Variants in ANKRD30B observed in about 807,000 individuals in gnomAD.
ANKRD30B encodes ankyrin repeat domain-containing protein 30B.
Under a neutral mutation model 202.2 loss-of-function variants are expected in ANKRD30B, and 144 were observed. The observed-to-expected ratio is 0.71, with a 90% CI of 0.62 to 0.82. The LOEUF is 0.82. Ranked by LOEUF, ANKRD30B falls within the 40% of genes least tolerant of loss-of-function variation. The pLI, the probability that ANKRD30B is intolerant of heterozygous loss-of-function variation, is 0.00. For synonymous variants in ANKRD30B, 508 were observed against 561.3 expected (o/e 0.91, Z 1.34); for missense variants, 1,487 against 1,669.1 (o/e 0.89, Z 1.90).
the ANKRD30B span, among the ~76,000 whole-genome samples, chr18:14,894,264 A>G: frequency 1.8e-4 from 27 of 152,340 alleles, no homozygotes; most frequent in East Asian, 4.6e-3. Flanking sequence ...TTTTTAAAAA[A>G]TTATCTGAAA....
chr18:14,865,105 C>A, the ANKRD30B span, among the ~76,000 whole-genome samples: 4 of 151,868 alleles, frequency 2.6e-5, no homozygotes, highest in Admixed American at 2.6e-4. Context: ...CTCCCACTTG[C>A]CACCCTCTTC....
At chr18:14,842,048 A>G (rs1971440339) in intron 37 of ANKRD30B, among the ~76,000 whole-genome samples, 1 of 152,160 alleles carries the variant, frequency 6.6e-6, no homozygotes, top group Non-Finnish European at 1.5e-5. Flanking sequence ...AAAGCCAACT[A>G]ATTTTTAGAA....
intron 34 of ANKRD30B, among the ~76,000 whole-genome samples, chr18:14,836,303 T>C (rs761124668): frequency 6.6e-6 from 1 of 152,136 alleles, no homozygotes. Flanking sequence ...TGTAATCTAC[T>C]CTGTCATCTG....
At chr18:14,938,804 T>C in the ANKRD30B span, among the ~76,000 whole-genome samples, 1 of 152,216 alleles carries the variant, frequency 6.6e-6, no homozygotes, top group East Asian at 1.9e-4. Context: ...CGTGTGGGAC[T>C]GGACAAAGCA....
rs1317080102 is a variant in ANKRD30B, at chr18:14,799,286, T to A, written c.2122T>A (p.Phe708Ile). 1 of 1,532,052 alleles carries A rather than the reference T, an allele frequency of 6.5e-7. No homozygotes were observed. Among genetic ancestry groups the A allele is most frequent in the Non-Finnish European group, 8.7e-7 (1 of 1,142,956 alleles). 94.9% of individuals were successfully genotyped at this position (1,532,052 alleles called of 1,614,324 possible). Reference sequence around the variant, plus strand: ...TTTAGAATTGAAGGACAGAGAAACATTCAAAGCAGGTAAATTTTGCAATTT... The same window carrying A: ...TTTAGAATTGAAGGACAGAGAAACAATCAAAGCAGGTAAATTTTGCAATTT... ...KALELKDRET[F>I]KAAQMFPSES... is the part of the protein sequence containing the mutation. The change falls in exon 22 of 44, where the codon TTC becomes ATC. Residue 708 changes from phenylalanine to isoleucine, a missense_variant. By Grantham distance (21) the Phe-to-Ile change is conservative. Around this residue, in one of 6 missense-constraint regions of ANKRD30B, gnomAD observed 889 missense variants for 841.4 expected, o/e 1.06. Coordinates refer to ENST00000690538, the MANE Select transcript of ANKRD30B (RefSeq NM_001367607.2).
At chr18:14,894,891 T>A in the ANKRD30B span, among the ~76,000 whole-genome samples, 2 of 139,460 alleles carry the variant, frequency 1.4e-5, no homozygotes, top group African/African-American at 2.7e-5. Context: ...AAAAACCTAG[T>A]TAAAAAGTGG....
At chr18:14,920,781 G>A in the ANKRD30B span, among the ~76,000 whole-genome samples, 19 of 152,314 alleles carry the variant, frequency 1.2e-4, no homozygotes, top group African/African-American at 3.8e-4. Context: ...GAACTCCTTC[G>A]TCAGTGGGGC....
intron 28 of ANKRD30B, among the ~76,000 whole-genome samples, chr18:14,810,601 G>GT: frequency 6.6e-6 from 1 of 151,058 alleles, no homozygotes. Context: ...AAGAAAATCA[G>GT]TTTCTTGTTT....
intron 30 of ANKRD30B, among the ~76,000 whole-genome samples, chr18:14,815,783 T>G (rs1970064566): frequency 6.6e-6 from 1 of 152,174 alleles, no homozygotes; most frequent in Non-Finnish European, 1.5e-5. Context: ...AACAAATATG[T>G]CAATATTGAA....
At chr18:14,764,126 G>A (rs1348465315) in intron 7 of ANKRD30B, 36 bp downstream of exon 7, 8 of 1,465,766 alleles carry the variant, frequency 5.5e-6, no homozygotes, top group South Asian at 1.5e-5. Context: ...GGGTTTATTG[G>A]CACTTTGGGT....
At chr18:14,891,182 C>G in the ANKRD30B span, among the ~76,000 whole-genome samples, 1 of 152,136 alleles carries the variant, frequency 6.6e-6, no homozygotes, top group Non-Finnish European at 1.5e-5. Flanking sequence ...CCTTCAGAAG[C>G]TATTTTCTAA....
intron 15 of ANKRD30B, among the ~76,000 whole-genome samples, chr18:14,789,866 A>C (rs962009856): frequency 1.3e-5 from 2 of 152,080 alleles, no homozygotes; most frequent in Non-Finnish European, 2.9e-5. Flanking sequence ...ATTGACTTGG[A>C]GATGCAGGCT....
chr18:14,750,153 T>C (rs1913198977), intron 1 of ANKRD30B, among the ~76,000 whole-genome samples: 1 of 152,114 alleles, frequency 6.6e-6, no homozygotes, highest in Non-Finnish European at 1.5e-5. Flanking sequence ...AGCATACTTG[T>C]AAAATATTTA....
rs555719021 is a variant in ANKRD30B, at chr18:14,786,774, G to T, written c.1673-265G>T. ...TGTGTTTTACAGGAGAAGAGGATAT[G>T]ATTGCTTTGTGAAGAAATAACTCAT... On this transcript the variant is annotated intron_variant, in intron 14 of 43. Transcript: ENST00000690538. Among the ~76,000 whole-genome samples, 16 of 152,260 alleles carry T rather than the reference G, an allele frequency of 1.1e-4. No individual in the cohort carries two copies. In the South Asian group the frequency reaches 2.7e-3, roughly 26 times the overall value.
Position 14,763,914 on chromosome 18 carries a change from T to A in ANKRD30B, c.1049T>A (p.Phe350Tyr), listed in dbSNP as rs774092312. The stretch of plus-strand genomic sequence containing the variant: ...CCTACAAAAGAAACATCTGAGAAAT[T>A]TTCATGGCCAGCAAAAGAAAGATCT... ...LRPTKETSEK[F>Y]SWPAKERSRK... is the part of the protein sequence containing the mutation. Residue 350 changes from phenylalanine to tyrosine, a missense_variant, in exon 7 of 44, where the codon TTT becomes TAT. Physicochemically the swap from Phe to Tyr is conservative, Grantham distance 22 (BLOSUM62 3). This residue lies in a region of ANKRD30B where 889 missense variants were observed against 841.4 expected (regional missense o/e 1.06). Coordinates refer to ENST00000690538, the MANE Select transcript of ANKRD30B (RefSeq NM_001367607.2). 3.6e-4 allele frequency: 580 copies of A among 1,611,372 alleles called. 1 individual carries two copies. Among genetic ancestry groups the A allele is most frequent in the Non-Finnish European group, 4.8e-4 (567 of 1,178,694 alleles).
chr18:14,919,214 A>C, the ANKRD30B span, among the ~76,000 whole-genome samples: 1 of 152,224 alleles, frequency 6.6e-6, no homozygotes, highest in Non-Finnish European at 1.5e-5. Context: ...AGCACCTCAG[A>C]TATAAGGAGG....
chr18:14,788,445 C>A (rs1968232903), intron 15 of ANKRD30B, among the ~76,000 whole-genome samples: 1 of 151,938 alleles, frequency 6.6e-6, no homozygotes, highest in South Asian at 2.1e-4. Context: ...GCACAATGTG[C>A]AGTTTAGTTA....
chr18:14,807,076 C>G lies in ANKRD30B; in HGVS notation c.2285-1475C>G, dbSNP rs112102159. ...TGCATATTTAGCCTTAAAATGCTTG[C>G]ACATAAATTTTGTGTGTTTTAGAGA... On this transcript the variant is annotated intron_variant, in intron 24 of 43. Transcript: ENST00000690538. Among the ~76,000 whole-genome samples the G allele has an allele frequency of 4.8e-4, 72 of 151,080 alleles. 1 individual carries two copies. The East Asian group carries it at 0.011, about 23-fold the overall frequency.
the ANKRD30B span, among the ~76,000 whole-genome samples, chr18:14,911,217 G>A: frequency 6.6e-6 from 1 of 152,002 alleles, no homozygotes; most frequent in African/African-American, 2.4e-5. Context: ...ATCCAAAAGA[G>A]TTTTTCCTAG....
Sources: gnomAD v4.1 joint callset for allele counts (sites outside exome capture counted in the v4.1 genomes callset) on GRCh38, gnomAD v4.1.1 for gene constraint, gnomAD v4.1.1 regional missense constraint, MANE v1.5 for transcripts, NCBI Gene and HGNC (gene_info 2026-07-23, HGNC 2026-07-21) for gene names.